TEX2: variants seen among roughly 807,000 people sequenced by gnomAD.
The protein encoded by TEX2 is testis expressed 2.
In TEX2, 53 loss-of-function variants were observed where a neutral mutation model predicts 106.9. The observed-to-expected ratio is 0.50, with a 90% CI of 0.40 to 0.62. TEX2 has a LOEUF of 0.62. Ranked by LOEUF, TEX2 falls within the 20% of genes least tolerant of loss-of-function variation. The pLI, the probability that TEX2 is intolerant of heterozygous loss-of-function variation, is 0.00. For missense variants in TEX2, 1,207 were observed against 1,379.0 expected (o/e 0.88, Z 1.98); for synonymous variants, 523 against 534.8 (o/e 0.98, Z 0.30).
At chr17:64,209,198 G>A (rs1192105901) in intron 2 of TEX2, among the ~76,000 whole-genome samples, 1 of 152,194 alleles carries the variant, frequency 6.6e-6, no homozygotes, top group Non-Finnish European at 1.5e-5. Flanking sequence ...GCTGCTAAAT[G>A]TTTTAAAGTA....
intron 1 of TEX2, among the ~76,000 whole-genome samples, chr17:64,247,962 T>C (rs1189548157): frequency 6.6e-6 from 1 of 152,122 alleles, no homozygotes; most frequent in Non-Finnish European, 1.5e-5. Context: ...TAATCCACAT[T>C]CCTTTGGATG....
At chr17:64,241,959 G>A in intron 1 of TEX2, among the ~76,000 whole-genome samples, 1 of 152,154 alleles carries the variant, frequency 6.6e-6, no homozygotes, top group Non-Finnish European at 1.5e-5. Flanking sequence ...GAACGGTACT[G>A]TCTGACATTG....
chr17:64,246,742 G>A (rs1282464658), intron 1 of TEX2, among the ~76,000 whole-genome samples: 1 of 152,230 alleles, frequency 6.6e-6, no homozygotes, highest in Non-Finnish European at 1.5e-5. Flanking sequence ...TTCTAGAACA[G>A]CTGGAGGCTG....
chr17:64,151,153 T>A lies in TEX2; in HGVS notation c.3141-192A>T, dbSNP rs79816282. 0.018 allele frequency among the ~76,000 whole-genome samples: 2,670 copies of A among 152,222 alleles called. 84 individuals are homozygous for A. The highest frequency in any genetic ancestry group is 0.061 in the African/African-American group (2,533 of 41,510). On this transcript the variant is annotated intron_variant, in intron 10 of 11. Transcript: ENST00000584379. ...ACCCCCTGTGTTCCCTGGATGGTGT[T>A]AGGGCTGTGGCGGATTTAGAACAGT...
intron 7 of TEX2, among the ~76,000 whole-genome samples, chr17:64,162,851 C>G (rs1048605924): frequency 6.6e-6 from 1 of 152,208 alleles, no homozygotes; most frequent in Non-Finnish European, 1.5e-5. Context: ...CACCCTGGCA[C>G]CTGGCACAGT....
intron 1 of TEX2, among the ~76,000 whole-genome samples, chr17:64,235,825 C>CT (rs568627901): frequency 2.0e-4 from 30 of 152,214 alleles, no homozygotes; most frequent in African/African-American, 7.2e-4. Context: ...CTGCACATCC[C>CT]TTTTTGAGTG....
chr17:64,177,256 T>A, intron 6 of TEX2, 69 bp downstream of exon 6: 1 of 1,587,538 alleles, frequency 6.3e-7, no homozygotes, highest in East Asian at 2.2e-5. Flanking sequence ...ACTTAGGACA[T>A]AAGGGTACAA....
At chr17:64,177,611 A>C in intron 5 of TEX2, 140 bp from the exon 6 acceptor site, 1 of 859,336 alleles carries the variant, frequency 1.2e-6, no homozygotes, top group Non-Finnish European at 1.8e-6. Flanking sequence ...TATAAATTAC[A>C]AGTCCCACAT....
intron 7 of TEX2, among the ~76,000 whole-genome samples, chr17:64,166,752 C>T (rs1402702816): frequency 6.6e-6 from 1 of 152,044 alleles, no homozygotes; most frequent in South Asian, 2.1e-4. Context: ...TCTGTTTTTC[C>T]CACAATGAGT....
intron 3 of TEX2, 102 bp from the exon 4 acceptor site, chr17:64,193,991 T>A: frequency 1.4e-6 from 1 of 712,634 alleles, no homozygotes; most frequent in South Asian, 5.4e-5. Flanking sequence ...ACTTTTTGAC[T>A]AAAATGATGA....
At chr17:64,230,375 T>C (rs1555634476) in intron 1 of TEX2, among the ~76,000 whole-genome samples, 1 of 152,198 alleles carries the variant, frequency 6.6e-6, no homozygotes, top group South Asian at 2.1e-4. Flanking sequence ...TGTTCACAAC[T>C]GGCAAGGTTA....
chr17:64,165,522 A>C (rs1205585608), intron 7 of TEX2, among the ~76,000 whole-genome samples: 1 of 152,192 alleles, frequency 6.6e-6, no homozygotes, highest in Non-Finnish European at 1.5e-5. Context: ...CACGTGCTAG[A>C]GTATGGCCCT....
chr17:64,156,241 A>C (rs1222365502), intron 8 of TEX2: 1 of 152,286 alleles, frequency 6.6e-6, no homozygotes, highest in Non-Finnish European at 1.5e-5. Context: ...GGAGGGTAGG[A>C]CTGAAACCTC....
At chr17:64,160,719 A>G (rs1321173689) in intron 8 of TEX2, 82 bp downstream of exon 8, 2 of 1,540,522 alleles carry the variant, frequency 1.3e-6, no homozygotes, top group Non-Finnish European at 1.8e-6. Flanking sequence ...GGGCCACTAC[A>G]CATCAAATCT....
intron 5 of TEX2, among the ~76,000 whole-genome samples, chr17:64,187,647 A>C (rs1030515064): frequency 6.6e-6 from 1 of 151,084 alleles, no homozygotes; most frequent in Non-Finnish European, 1.5e-5. Flanking sequence ...CAGCCTCCCT[A>C]CCTCCCCATT....
At chr17:64,249,317 G>A (rs1013182429) in intron 1 of TEX2, among the ~76,000 whole-genome samples, 39 of 152,156 alleles carry the variant, frequency 2.6e-4, no homozygotes, top group Non-Finnish European at 4.3e-4. Flanking sequence ...TGAGAGGCTA[G>A]GACACTCCAC....
At chr17:64,191,817 C>CAAAAAAAAAAAAA (rs58376086) in intron 4 of TEX2, among the ~76,000 whole-genome samples, 2 of 119,900 alleles carry the variant, frequency 1.7e-5, no homozygotes, top group African/African-American at 3.7e-5. Flanking sequence ...GACTCCATCT[C>CAAAAAAAAAAAAA]AAAAAAAAAA....
chr17:64,241,686 T>C (rs1427100513), intron 1 of TEX2, among the ~76,000 whole-genome samples: 1 of 152,096 alleles, frequency 6.6e-6, no homozygotes, highest in African/African-American at 2.4e-5. Context: ...CAGGCTGGAG[T>C]GCACTCGTGC....
Position 64,234,487 on chromosome 17 carries a change from T to C in TEX2, c.-25-20245A>G, listed in dbSNP as rs538376382. On this transcript the variant is annotated intron_variant, in intron 1 of 11. Transcript: ENST00000584379. The stretch of plus-strand genomic sequence containing the variant: ...AGGAGCAGAACTTTCTGGCCATCCA[T>C]GTGCAATTAGGAGCCCATTAAATAC... Among the ~76,000 whole-genome samples, 44 of 152,328 alleles carry C rather than the reference T, an allele frequency of 2.9e-4. 1 individual carries two copies. In the South Asian group the frequency reaches 8.3e-3, roughly 29 times the overall value.
Sources: gnomAD v4.1 joint callset for allele counts (sites outside exome capture counted in the v4.1 genomes callset) on GRCh38, gnomAD v4.1.1 for gene constraint, MANE v1.5 for transcripts, NCBI Gene and HGNC (gene_info 2026-07-23, HGNC 2026-07-21) for gene names.